The following BRINP3 variants were observed in gnomAD, a reference collection of about 807,000 sequenced individuals.
BRINP3 encodes the protein BMP/retinoic acid inducible neural specific 3.
Under a neutral mutation model 71.0 loss-of-function variants are expected in BRINP3, and 19 were observed. The observed-to-expected ratio is 0.27, with a 90% confidence interval of 0.19 to 0.39. The LOEUF (loss-of-function observed/expected upper bound fraction) is 0.39. Ranked by LOEUF, BRINP3 falls within the 10% of genes least tolerant of loss-of-function variation. The probability of loss-of-function intolerance (pLI) is 1.00; values close to 1 mark genes in which losing one functional copy is unlikely to be tolerated. For missense variants in BRINP3, 959 were observed against 940.8 expected, an observed-to-expected ratio of 1.02 and a Z score of -0.25; for synonymous variants, 380 against 337.7, an observed-to-expected ratio of 1.13 and a Z score of -1.37.
intron 1 of BRINP3, among the ~76,000 whole-genome samples, chr1:190,458,474 C>T (rs1217301048): frequency 2.0e-5 from 3 of 152,050 alleles, no homozygotes; most frequent in Non-Finnish European, 2.9e-5. Flanking sequence ...ACTCAATATT[C>T]ACCATCAGAA....
chr1:190,233,032 T>C (rs1658147794), intron 5 of BRINP3, among the ~76,000 whole-genome samples: 1 of 152,176 alleles, frequency 6.6e-6, no homozygotes, highest in African/African-American at 2.4e-5. Context: ...GTACTTTTAA[T>C]ACAACTCAAA....
intron 2 of BRINP3, among the ~76,000 whole-genome samples, chr1:190,354,215 T>C (rs1191222124): frequency 6.6e-6 from 1 of 152,138 alleles, no homozygotes; most frequent in Admixed American, 6.6e-5. Flanking sequence ...TTTATTCTAA[T>C]GCTTTCTCTT....
chr1:190,419,003 A>G (rs889330316), intron 2 of BRINP3, among the ~76,000 whole-genome samples: 12 of 152,098 alleles, frequency 7.9e-5, no homozygotes, highest in African/African-American at 2.7e-4. Flanking sequence ...CTGATACTAA[A>G]TGATTTTCAT....
chr1:190,377,905 T>C (rs1343564924), intron 2 of BRINP3, among the ~76,000 whole-genome samples: 1 of 152,106 alleles, frequency 6.6e-6, no homozygotes, highest in Non-Finnish European at 1.5e-5. Context: ...AGACATTCCA[T>C]ATTCATTGAT....
chr1:190,265,147 T>C (rs977515686), intron 3 of BRINP3, 92 bp from the exon 4 acceptor site: 4 of 1,170,360 alleles, frequency 3.4e-6, no homozygotes, highest in Non-Finnish European at 3.6e-6. Flanking sequence ...CTTATGAATA[T>C]AGTAAAACAA....
intron 2 of BRINP3, among the ~76,000 whole-genome samples, chr1:190,423,479 G>A (rs1038216562): frequency 6.6e-6 from 1 of 151,820 alleles, no homozygotes; most frequent in Non-Finnish European, 1.5e-5. Flanking sequence ...ACAGGATAGC[G>A]TAGAATTTTC....
intron 2 of BRINP3, among the ~76,000 whole-genome samples, chr1:190,347,532 C>T (rs561227693): frequency 1.3e-5 from 2 of 152,186 alleles, no homozygotes; most frequent in Non-Finnish European, 1.5e-5. Flanking sequence ...ATCTGTTTCT[C>T]CAGGATTTTG....
chr1:190,454,417 G>A (rs1374101038), intron 2 of BRINP3, among the ~76,000 whole-genome samples: 1 of 152,190 alleles, frequency 6.6e-6, no homozygotes, highest in Admixed American at 6.5e-5. Flanking sequence ...TTAAGGCAGT[G>A]TAGCATGCTT....
chr1:190,285,251 G>T (rs1663329693), intron 2 of BRINP3, among the ~76,000 whole-genome samples: 1 of 152,108 alleles, frequency 6.6e-6, no homozygotes, highest in South Asian at 2.1e-4. Context: ...AATTCCCAGT[G>T]TCCCTTTTTC....
At chr1:190,365,496 A>T (rs1387543391) in intron 2 of BRINP3, among the ~76,000 whole-genome samples, 1 of 148,938 alleles carries the variant, frequency 6.7e-6, no homozygotes, top group Non-Finnish European at 1.5e-5. Flanking sequence ...TTATAATGTT[A>T]TATGATTAAT....
chr1:190,223,074 T>C (rs771300571), intron 6 of BRINP3, among the ~76,000 whole-genome samples: 4 of 151,966 alleles, frequency 2.6e-5, no homozygotes, highest in East Asian at 1.9e-4. Flanking sequence ...TTGGCTTCAC[T>C]GCTAACTCTA....
rs1676007171 is a variant in BRINP3, at chr1:190,456,575, AT to A, written c.-50-1636del. 2.6e-5 allele frequency among the ~76,000 whole-genome samples: 4 copies of A among 151,872 alleles called. No homozygotes were observed. In the South Asian group the frequency reaches 8.3e-4, roughly 32 times the overall value. ...AATTTGCTGAAAAAATATTTTATAT[AT>A]TTTTTCTTATGAGAACTATACAATT... On this transcript the variant is annotated intron_variant, in intron 1 of 7. Transcript: ENST00000367462.
chr1:190,412,444 T>C (rs1025156933), intron 2 of BRINP3, among the ~76,000 whole-genome samples: 2 of 134,630 alleles, frequency 1.5e-5, no homozygotes, highest in African/African-American at 5.6e-5. Flanking sequence ...AGTACTTTTT[T>C]TGTTTTGTTT....
chr1:190,111,913 T>G (rs755657364), intron 7 of BRINP3, among the ~76,000 whole-genome samples: 2 of 152,082 alleles, frequency 1.3e-5, no homozygotes, highest in African/African-American at 2.4e-5. Context: ...CTTGAATGGA[T>G]TTGCATACTG....
At chr1:190,163,741 T>A (rs1651227793) in intron 6 of BRINP3, among the ~76,000 whole-genome samples, 1 of 152,216 alleles carries the variant, frequency 6.6e-6, no homozygotes, top group East Asian at 1.9e-4. Context: ...CTACTACTTC[T>A]CCATTAAAAA....
In BRINP3 at chr1:190,214,800, T is replaced by C. The variant is rs920120178; in HGVS notation, c.961+11282A>G. Among the ~76,000 whole-genome samples, 21 of 151,882 alleles carry C rather than the reference T, an allele frequency of 1.4e-4. 1 individual carries two copies. Among genetic ancestry groups the C allele is most frequent in the African/African-American group, 5.1e-4 (21 of 41,394 alleles). On this transcript the variant is annotated intron_variant, in intron 6 of 7. Coordinates refer to ENST00000367462, the MANE Select transcript of BRINP3 (RefSeq NM_199051.3). ...ATAACTCACGCTGTAACTCAAGGAT[T>C]TGGGGAATTCTTTACTACTGCAGGA... is the stretch of plus-strand genomic sequence containing the variant.
intron 2 of BRINP3, among the ~76,000 whole-genome samples, chr1:190,359,746 C>T (rs897824686): frequency 1.3e-5 from 2 of 152,092 alleles, no homozygotes; most frequent in Admixed American, 6.6e-5. Context: ...CTTCATCCTC[C>T]TTTGTCTAAT....
chr1:190,248,676 C>T (rs372015011), intron 4 of BRINP3, among the ~76,000 whole-genome samples: 7 of 151,608 alleles, frequency 4.6e-5, no homozygotes, highest in African/African-American at 1.7e-4. Context: ...TTATTTAAAA[C>T]ATAGTACATA....
intron 7 of BRINP3, among the ~76,000 whole-genome samples, chr1:190,113,440 G>A (rs539865362): frequency 5.3e-4 from 80 of 152,206 alleles, no homozygotes; most frequent in African/African-American, 1.9e-3. Context: ...TACCATTGCC[G>A]AAAAGTCAGT....
Sources: allele counts gnomAD v4.1 joint callset (sites outside exome capture counted in the v4.1 genomes callset), GRCh38; gene constraint gnomAD v4.1.1; transcripts MANE v1.5; gene names NCBI Gene and HGNC (gene_info 2026-07-23, HGNC 2026-07-21).